Variants in CELA3A observed in about 807,000 individuals in gnomAD.
CELA3A encodes chymotrypsin-like elastase family member 3A.
CELA3A carries 35 observed loss-of-function variants against 38.6 expected under a neutral mutation model. The observed-to-expected ratio is 0.91, with a 90% CI of 0.69 to 1.20. The LOEUF is 1.20. Among genes scored for constraint, CELA3A ranks in the 50% most tolerant of loss-of-function variants. The pLI, the probability that CELA3A is intolerant of heterozygous loss-of-function variation, is 0.00. For missense variants in CELA3A, 343 were observed against 354.2 expected (o/e 0.97, Z 0.25); for synonymous variants, 143 against 136.7 (o/e 1.05, Z -0.32).
chr1:22,008,303 A>G (rs1444137096), intron 6 of CELA3A, among the ~76,000 whole-genome samples: 1 of 150,504 alleles, frequency 6.6e-6, no homozygotes, highest in Non-Finnish European at 1.5e-5. Context: ...AGTGTGTGCC[A>G]CAATGCCTAG....
chr1:22,005,432 C>T lies in CELA3A; in HGVS notation c.130-15C>T, dbSNP rs767393690. 7 of 1,611,842 alleles carry T rather than the reference C, an allele frequency of 4.3e-6. No homozygotes were observed. The highest frequency in any genetic ancestry group is 1.3e-5 in the African/African-American group (1 of 74,654). On this transcript the variant is annotated splice_polypyrimidine_tract_variant and intron_variant, in intron 2 of 7. Transcript: ENST00000290122. ...GGGCCCAGCCCACTGAGGCCCTTTCCTCCTGGGCCACCAGGTTTCCCTGCA... is the reference window on the plus strand; with the variant it reads ...GGGCCCAGCCCACTGAGGCCCTTTCTTCCTGGGCCACCAGGTTTCCCTGCA...
chr1:22,007,595 G>C, intron 6 of CELA3A, 80 bp downstream of exon 6: 2 of 1,533,728 alleles, frequency 1.3e-6, no homozygotes, highest in Non-Finnish European at 1.8e-6. Context: ...GAAGGTGGAG[G>C]AAGGATCTTG....
intron 2 of CELA3A, among the ~76,000 whole-genome samples, chr1:22,003,463 G>C (rs1644929976): frequency 6.6e-6 from 1 of 150,812 alleles, no homozygotes; most frequent in Non-Finnish European, 1.5e-5. Context: ...GAGGGATCTT[G>C]TAAGGCCAGT....
intron 1 of CELA3A, 105 bp downstream of exon 1, chr1:22,001,822 C>A (rs1644920346): frequency 7.4e-6 from 11 of 1,494,676 alleles, no homozygotes; most frequent in Non-Finnish European, 1.0e-5. Flanking sequence ...CCTGGTTCCA[C>A]AGGAGGGGGT....
intron 4 of CELA3A, 64 bp from the exon 5 acceptor site, chr1:22,006,814 G>C (rs572466160): frequency 3.2e-6 from 5 of 1,586,398 alleles, no homozygotes; most frequent in South Asian, 1.1e-5. Flanking sequence ...CTGGAGCAAC[G>C]GCTAGAAGGT....
intron 5 of CELA3A, 23 bp from the exon 6 acceptor site, chr1:22,007,350 C>T: frequency 6.3e-7 from 1 of 1,599,110 alleles, no homozygotes; most frequent in Non-Finnish European, 8.5e-7. Flanking sequence ...AGACCCCTGA[C>T]TCGGTGCTTT....
chr1:22,005,298 G>T lies in CELA3A; in HGVS notation c.130-149G>T, dbSNP rs1180476711. 2.8e-5 allele frequency: 26 copies of T among 930,242 alleles called. No homozygotes were observed. In the African/African-American group the frequency reaches 4.0e-4, roughly 14 times the overall value. The allele number at this position is 930,242 out of a possible 1,614,324, so 57.6% of individuals were successfully genotyped here. On this transcript the variant is annotated intron_variant, in intron 2 of 7. Coordinates refer to ENST00000290122, the MANE Select transcript of CELA3A (RefSeq NM_005747.5). ...CCACGGGCAGCTGCCCAGGTCGCAG[G>T]TTGTATGCTGCATATTTCAGTGGGT... is the stretch of plus-strand genomic sequence containing the variant.
chr1:22,008,329 T>C (rs998483577), intron 6 of CELA3A, among the ~76,000 whole-genome samples: 3 of 150,598 alleles, frequency 2.0e-5, no homozygotes, highest in Non-Finnish European at 4.4e-5. Context: ...TTTTAAATTT[T>C]TTGTAGAGAT....
At chr1:22,011,047 C>T (rs190648992) in intron 7 of CELA3A, 7 of 151,564 alleles carry the variant, frequency 4.6e-5, no homozygotes, top group East Asian at 1.9e-4. Context: ...ACGGCCCCTG[C>T]GCAAGGATGA....
rs1644923830 is a variant in CELA3A at position 22,002,464 on chromosome 1, C to T, written c.44-539C>T. 6.7e-6 allele frequency: 3 copies of T among 447,754 alleles called. No homozygotes were observed. In the Admixed American group the frequency reaches 7.2e-5, roughly 11 times the overall value. 27.7% of individuals were successfully genotyped at this position (447,754 alleles called of 1,614,324 possible). ...CCTACCACCTTAGCCTCCTGAGTAG[C>T]TGAGATTATAGGCACATGCCACCAT... On this transcript the variant is annotated intron_variant, in intron 1 of 7. Transcript: ENST00000290122.
chr1:22,003,893 A>T (rs1223200209), intron 2 of CELA3A, among the ~76,000 whole-genome samples: 1 of 150,042 alleles, frequency 6.7e-6, no homozygotes, highest in African/African-American at 2.5e-5. Flanking sequence ...TAGTAGAGAC[A>T]GGGTTTCACT....
At position 22,005,540 on chromosome 1, in the gene CELA3A, A is replaced by G; in HGVS notation, c.223A>G (p.Ile75Val). The stretch of plus-strand genomic sequence containing the variant: ...TTGGGTTGTGACTGCCGGCCACTGC[A>G]TCTCGTGAGTTCTCTACCCTGTCCC... Reference protein sequence around the residue: ...PDWVVTAGHCISRDLTYQVVL... With the variant: ...PDWVVTAGHCVSRDLTYQVVL... Residue 75 changes from isoleucine (I) to valine (V), a missense_variant, in exon 3 of 8, where the codon ATC becomes GTC. By Grantham distance (29) the Ile-to-Val change is conservative (BLOSUM62 3). Transcript: ENST00000290122. 1 of 1,612,830 alleles carries G rather than the reference A, an allele frequency of 6.2e-7. No individual in the cohort carries two copies. The highest frequency in any genetic ancestry group is 1.7e-5 in the Admixed American group (1 of 59,970).
rs763443987 is a variant in CELA3A at position 22,005,779 on chromosome 1, C to T, written c.345C>T (p.Arg115=). ...EELFVHPLWN[R]SCVACGNDIA... ...TGTTTGTGCATCCACTCTGGAACCG[C>T]TCGTGTGTGGCCTGTGGGTGAGTGA... Residue 115 remains arginine (R), a synonymous_variant, in exon 4 of 8, where the codon CGC becomes CGT. Coordinates refer to ENST00000290122, the MANE Select transcript of CELA3A (RefSeq NM_005747.5). 6.2e-6 allele frequency: 10 copies of T among 1,611,626 alleles called. No homozygotes were observed. The South Asian group carries it at 1.1e-4, about 18-fold the overall frequency.
chr1:22,007,463 C>T lies in CELA3A; in HGVS notation c.590C>T (p.Thr197Ile). ...TCCAGGTGGAACTGGTGGGGTTCCA[C>T]CGTGAAGAAAACCATGGTGTGTGCT... Reference protein sequence around the residue: ...HCSRWNWWGSTVKKTMVCAGG... With the variant: ...HCSRWNWWGSIVKKTMVCAGG... Residue 197 changes from threonine to isoleucine, a missense_variant, in exon 6 of 8, where the codon ACC (threonine) becomes ATC (isoleucine). Physicochemically the swap from Thr to Ile is moderately conservative, Grantham distance 89 (BLOSUM62 -1). Coordinates refer to ENST00000290122, the MANE Select transcript of CELA3A (RefSeq NM_005747.5). 6.2e-6 allele frequency: 10 copies of T among 1,612,574 alleles called. No individual in the cohort carries two copies. Among genetic ancestry groups the T allele is most frequent in the Non-Finnish European group, 8.5e-6 (10 of 1,179,438 alleles).
chr1:22,002,297 T>C (rs1406680265), intron 1 of CELA3A, among the ~76,000 whole-genome samples: 7 of 151,296 alleles, frequency 4.6e-5, no homozygotes, highest in East Asian at 3.9e-4. Flanking sequence ...CCCATTTTAC[T>C]GACCCTCAAG....
At chr1:22,011,097 T>C (rs1644981543) in intron 7 of CELA3A, 1 of 151,690 alleles carries the variant, frequency 6.6e-6, no homozygotes, top group South Asian at 2.1e-4. Flanking sequence ...AAAACATTTC[T>C]GGTCGAGTGC....
chr1:22,005,889 G>GGGAC, intron 4 of CELA3A, 93 bp downstream of exon 4: 1 of 1,596,106 alleles, frequency 6.3e-7, no homozygotes, highest in South Asian at 1.1e-5. Flanking sequence ...ACTCTGAGTA[G>GGGAC]GGACGTAGGG....
At chr1:22,010,762 C>T (rs1018345192) in intron 7 of CELA3A, 8 of 150,128 alleles carry the variant, frequency 5.3e-5, no homozygotes, top group African/African-American at 1.7e-4. Flanking sequence ...TCAGGTTCTG[C>T]ACCAAGTTTG....
chr1:22,012,434 C>A lies in CELA3A; in HGVS notation c.796-16C>A. The A allele has an allele frequency of 7.9e-7, 1 of 1,266,164 alleles. No individual in the cohort carries two copies. The highest frequency in any genetic ancestry group is 1.1e-6 in the Non-Finnish European group (1 of 932,894). 78.4% of individuals were successfully genotyped at this position (1,266,164 alleles called of 1,614,324 possible). A position where few individuals can be genotyped will look rare whatever the true frequency, so the allele number is the denominator to read the frequency against. On this transcript the variant is annotated splice_polypyrimidine_tract_variant and intron_variant, in intron 7 of 7. Coordinates refer to ENST00000290122, the MANE Select transcript of CELA3A (RefSeq NM_005747.5). ...TCCTAAATTGACTATTCTGTCTGCC[C>A]CCCCAACTTTTCCAGACCATAGCAA... is the stretch of plus-strand genomic sequence containing the variant.
Sources: allele counts gnomAD v4.1 joint callset (sites outside exome capture counted in the v4.1 genomes callset), GRCh38; gene constraint gnomAD v4.1.1; transcripts MANE v1.5; gene names NCBI Gene and HGNC (gene_info 2026-07-23, HGNC 2026-07-21).